Variants in DPP10 observed in about 807,000 individuals in gnomAD.
The protein encoded by DPP10 is inactive dipeptidyl peptidase 10.
Under a neutral mutation model 120.9 loss-of-function variants are expected in DPP10, and 33 were observed. The ratio of observed to expected loss-of-function variants is 0.27; its 90% confidence interval spans 0.21 to 0.37. The LOEUF (loss-of-function observed/expected upper bound fraction) is 0.37. Ranked by LOEUF, DPP10 falls within the 10% of genes least tolerant of loss-of-function variation. The probability of loss-of-function intolerance (pLI) is 1.00; values close to 1 mark genes in which losing one functional copy is unlikely to be tolerated. For missense variants in DPP10, 816 were observed against 942.8 expected, an observed-to-expected ratio of 0.87 and a Z score of 1.76; for synonymous variants, 337 against 326.1, an observed-to-expected ratio of 1.03 and a Z score of -0.36.
At chr2:114,572,136 A>T (rs1015347446) in intron 1 of DPP10, among the ~76,000 whole-genome samples, 2 of 151,880 alleles carry the variant, frequency 1.3e-5, no homozygotes, top group Non-Finnish European at 2.9e-5. Context: ...GGAAGAAAAT[A>T]AACATCATGA....
At chr2:115,371,703 A>G (rs2065422895) in intron 3 of DPP10, among the ~76,000 whole-genome samples, 1 of 152,200 alleles carries the variant, frequency 6.6e-6, no homozygotes, top group Admixed American at 6.6e-5. Flanking sequence ...CACTAAAGGC[A>G]GAATAATTCT....
intron 1 of DPP10, among the ~76,000 whole-genome samples, chr2:114,593,954 T>A (rs146821539): frequency 2.1e-4 from 32 of 152,194 alleles, no homozygotes; most frequent in African/African-American, 7.5e-4. Context: ...AGAAAGTGAG[T>A]CCTCAATGTG....
chr2:115,326,323 G>C (rs988697567), intron 2 of DPP10, among the ~76,000 whole-genome samples: 1 of 152,012 alleles, frequency 6.6e-6, no homozygotes, highest in African/African-American at 2.4e-5. Context: ...CATTACTCTG[G>C]TGTTTTTGGT....
At chr2:114,646,501 G>A (rs13425741) in intron 1 of DPP10, among the ~76,000 whole-genome samples, 39,760 of 151,964 alleles carry the variant, frequency 0.26, 7,150 homozygotes, top group African/African-American at 0.52. Context: ...TCTCTTAGCC[G>A]TCTCCCAGTT....
At chr2:115,653,994 C>T (rs1016835450) in intron 5 of DPP10, among the ~76,000 whole-genome samples, 1 of 151,822 alleles carries the variant, frequency 6.6e-6, no homozygotes, top group Non-Finnish European at 1.5e-5. Flanking sequence ...ACTGACTTTC[C>T]TAAGAACTCT....
intron 1 of DPP10, among the ~76,000 whole-genome samples, chr2:114,646,365 G>A (rs1696137278): frequency 6.6e-6 from 1 of 151,942 alleles, no homozygotes; most frequent in Admixed American, 6.6e-5. Flanking sequence ...CCTCTAAAAT[G>A]AGAACAGGAG....
intron 1 of DPP10, among the ~76,000 whole-genome samples, chr2:114,718,608 C>T (rs902753335): frequency 2.0e-5 from 3 of 151,948 alleles, no homozygotes; most frequent in Non-Finnish European, 4.4e-5. Context: ...AAGTTTGACA[C>T]CTTTAGTAGC....
At chr2:115,044,370 T>C (rs1351859649) in intron 1 of DPP10, among the ~76,000 whole-genome samples, 1 of 152,060 alleles carries the variant, frequency 6.6e-6, no homozygotes, top group Non-Finnish European at 1.5e-5. Context: ...TTTTTAATTT[T>C]ATTATTATTA....
At chr2:114,689,601 A>T (rs913088159) in intron 1 of DPP10, among the ~76,000 whole-genome samples, 19 of 152,186 alleles carry the variant, frequency 1.2e-4, no homozygotes, top group African/African-American at 4.1e-4. Flanking sequence ...CATACTCAGT[A>T]ATAGGATTGC....
chr2:114,993,260 G>A (rs1054166849), intron 1 of DPP10, among the ~76,000 whole-genome samples: 11 of 152,032 alleles, frequency 7.2e-5, no homozygotes, highest in East Asian at 1.9e-4. Flanking sequence ...ATTTAGTTGC[G>A]TCTGTTATCT....
chr2:115,285,218 C>T (rs183994452), intron 1 of DPP10, among the ~76,000 whole-genome samples: 42 of 152,176 alleles, frequency 2.8e-4, no homozygotes, highest in Middle Eastern at 6.8e-3. Context: ...TGAACTGCTA[C>T]TCCCTCTCTT....
intron 1 of DPP10, among the ~76,000 whole-genome samples, chr2:114,627,713 T>C (rs1225217500): frequency 6.6e-6 from 1 of 152,120 alleles, no homozygotes; most frequent in East Asian, 1.9e-4. Context: ...CTACAAGGTT[T>C]GAAGAGGTGC....
At chr2:115,364,359 G>A (rs984045179) in intron 3 of DPP10, among the ~76,000 whole-genome samples, 6 of 151,840 alleles carry the variant, frequency 4.0e-5, no homozygotes, top group Admixed American at 1.3e-4. Flanking sequence ...TTTTGTTTTC[G>A]TGCCAGCATA....
intron 1 of DPP10, among the ~76,000 whole-genome samples, chr2:115,275,189 G>C (rs751502958): frequency 6.6e-6 from 1 of 152,206 alleles, no homozygotes; most frequent in Non-Finnish European, 1.5e-5. Flanking sequence ...AGGTTGACCT[G>C]TACTGAAGAC....
At chr2:114,797,792 T>C (rs1248089880) in intron 1 of DPP10, among the ~76,000 whole-genome samples, 2 of 152,340 alleles carry the variant, frequency 1.3e-5, no homozygotes, top group Middle Eastern at 3.4e-3. Flanking sequence ...AGATGCGATA[T>C]AATTCCTGTG....
chr2:114,979,292 A>G (rs1699943185), intron 1 of DPP10, among the ~76,000 whole-genome samples: 1 of 152,010 alleles, frequency 6.6e-6, no homozygotes, highest in Non-Finnish European at 1.5e-5. Flanking sequence ...AATTAAAATA[A>G]ATTTAAAAAT....
At chr2:114,579,580 C>T (rs1282717355) in intron 1 of DPP10, among the ~76,000 whole-genome samples, 1 of 152,150 alleles carries the variant, frequency 6.6e-6, no homozygotes, top group African/African-American at 2.4e-5. Context: ...CTATAACCAA[C>T]AAAACACCAA....
chr2:114,623,412 AAAAAT>A (rs1198595035), intron 1 of DPP10, among the ~76,000 whole-genome samples: 2 of 152,140 alleles, frequency 1.3e-5, no homozygotes, highest in Non-Finnish European at 2.9e-5. Context: ...AATACATTCT[AAAAAT>A]AAAATAAAAC....
At chr2:115,143,401 A>T (rs1411924303) in intron 1 of DPP10, among the ~76,000 whole-genome samples, 1 of 152,230 alleles carries the variant, frequency 6.6e-6, no homozygotes, top group Non-Finnish European at 1.5e-5. Flanking sequence ...TATGATTATT[A>T]AAACAACAAT....
Sources: gnomAD v4.1 joint callset for allele counts (sites outside exome capture counted in the v4.1 genomes callset) on GRCh38, gnomAD v4.1.1 for gene constraint, MANE v1.5 for transcripts, NCBI Gene and HGNC (gene_info 2026-07-23, HGNC 2026-07-21) for gene names.